Variants in ROBO1 observed in about 807,000 individuals in gnomAD.
ROBO1 encodes roundabout homolog 1.
In ROBO1, 149 loss-of-function variants were observed where a neutral mutation model predicts 195.9. That is an observed-to-expected ratio of 0.76 (90% CI 0.67 to 0.87). The LOEUF (loss-of-function observed/expected upper bound fraction) is 0.87, where lower values mean the gene tolerates loss of function less well. Among genes scored for constraint, ROBO1 ranks in the 40% least tolerant of loss-of-function variants. The probability of loss-of-function intolerance (pLI) is 0.00; values close to 1 mark genes in which losing one functional copy is unlikely to be tolerated. For synonymous variants in ROBO1, 816 were observed against 733.2 expected (o/e 1.11, Z -1.82); for missense variants, 1,933 against 2,068.3 (o/e 0.93, Z 1.27).
chr3:79,312,339 C>T (rs62259733), intron 2 of ROBO1, among the ~76,000 whole-genome samples: 4 of 152,108 alleles, frequency 2.6e-5, no homozygotes, highest in African/African-American at 9.7e-5. Context: ...GTTTTACTTA[C>T]TTCAAAGAAA....
intron 1 of ROBO1, among the ~76,000 whole-genome samples, chr3:79,608,630 T>C (rs543883393): frequency 6.6e-6 from 1 of 152,000 alleles, no homozygotes; most frequent in East Asian, 1.9e-4. Context: ...CCTATAAAAC[T>C]AACCAGATTT....
At chr3:79,006,757 GAAA>G (rs11345487) in intron 3 of ROBO1, among the ~76,000 whole-genome samples, 29 of 115,232 alleles carry the variant, frequency 2.5e-4, no homozygotes, top group African/African-American at 7.3e-4. Context: ...CAAAATATCG[GAAA>G]AAAAAAAAAA....
chr3:79,107,608 A>G (rs891383744), intron 3 of ROBO1, among the ~76,000 whole-genome samples: 3 of 151,674 alleles, frequency 2.0e-5, no homozygotes, highest in Non-Finnish European at 4.4e-5. Context: ...CTTGCATATT[A>G]AAATGTTGGG....
At chr3:79,073,797 CAG>C (rs2079127150) in intron 3 of ROBO1, among the ~76,000 whole-genome samples, 1 of 151,354 alleles carries the variant, frequency 6.6e-6, no homozygotes, top group South Asian at 2.1e-4. Flanking sequence ...CGGAAAATGG[CAG>C]AGATACAGTG....
intron 2 of ROBO1, among the ~76,000 whole-genome samples, chr3:79,431,772 C>G (rs2038688703): frequency 6.6e-6 from 1 of 152,058 alleles, no homozygotes; most frequent in African/African-American, 2.4e-5. Flanking sequence ...AACACTCAGA[C>G]AAGAAAAATA....
intron 3 of ROBO1, among the ~76,000 whole-genome samples, chr3:79,044,476 T>C (rs1227644474): frequency 6.6e-6 from 1 of 152,170 alleles, no homozygotes; most frequent in Non-Finnish European, 1.5e-5. Context: ...CTAGAAGATA[T>C]AAAAGTATAA....
At chr3:79,705,008 T>C (rs781246921) in intron 1 of ROBO1, among the ~76,000 whole-genome samples, 24 of 151,998 alleles carry the variant, frequency 1.6e-4, no homozygotes, top group Non-Finnish European at 3.2e-4. Context: ...TGTTGAGGTC[T>C]TTGTCCCATT....
At chr3:79,727,280 T>G (rs1702962425) in intron 1 of ROBO1, among the ~76,000 whole-genome samples, 1 of 136,206 alleles carries the variant, frequency 7.3e-6, no homozygotes, top group Non-Finnish European at 1.7e-5. Flanking sequence ...GTCAGACATA[T>G]TTTTACTTTA....
Position 79,349,235 on chromosome 3 carries a change from A to ATGC in ROBO1, c.89-223699_89-223697dup, listed in dbSNP as rs1417691210. Reference sequence around the variant, plus strand: ...GCCTATGAGGATCAACTTGAAGTAAATGCTTCCTTAGGCTTGTGATGGCAT... The same window carrying ATGC: ...GCCTATGAGGATCAACTTGAAGTAAATGCTGCTTCCTTAGGCTTGTGATGGCAT... On this transcript the variant is annotated intron_variant, in intron 2 of 30. Transcript: ENST00000464233. Among the ~76,000 whole-genome samples the ATGC allele has an allele frequency of 5.9e-5, 9 of 152,304 alleles. No homozygotes were observed. In the East Asian group the frequency reaches 1.7e-3, roughly 29 times the overall value.
chr3:79,528,741 GTTAAAAGTAAGCAGT>G (rs1462835312), intron 2 of ROBO1, among the ~76,000 whole-genome samples: 1 of 152,136 alleles, frequency 6.6e-6, no homozygotes, highest in Non-Finnish European at 1.5e-5. Context: ...TTTAAAACCT[GTTAAAAGTAAGCAGT>G]TTCACATGGT....
chr3:79,589,108 T>C (rs562011834), intron 2 of ROBO1, among the ~76,000 whole-genome samples: 2 of 151,850 alleles, frequency 1.3e-5, no homozygotes, highest in African/African-American at 4.8e-5. Context: ...ATATTAGTTG[T>C]ATTCAAATTA....
At chr3:79,766,743 T>TG (rs1705019753) in intron 1 of ROBO1, among the ~76,000 whole-genome samples, 2 of 152,072 alleles carry the variant, frequency 1.3e-5, no homozygotes. Flanking sequence ...CGAAGGCTCA[T>TG]GGAAGCGGGG....
chr3:79,730,505 A>G (rs1161451152), intron 1 of ROBO1, among the ~76,000 whole-genome samples: 1 of 152,164 alleles, frequency 6.6e-6, no homozygotes, highest in Non-Finnish European at 1.5e-5. Context: ...CTACAAAGCA[A>G]GTTTCATCCC....
chr3:78,861,437 A>C (rs2034829838), intron 4 of ROBO1, among the ~76,000 whole-genome samples: 1 of 152,144 alleles, frequency 6.6e-6, no homozygotes, highest in Non-Finnish European at 1.5e-5. Context: ...ACTAGACTTT[A>C]ATTTTCTAGG....
intron 2 of ROBO1, among the ~76,000 whole-genome samples, chr3:79,352,356 A>G (rs1230384381): frequency 6.6e-6 from 1 of 152,208 alleles, no homozygotes; most frequent in African/African-American, 2.4e-5. Flanking sequence ...AGGACTCACA[A>G]GAGGTTACAG....
chr3:78,954,399 T>G (rs2040938147), intron 3 of ROBO1, among the ~76,000 whole-genome samples: 3 of 152,054 alleles, frequency 2.0e-5, no homozygotes, highest in Admixed American at 1.3e-4. Flanking sequence ...AAAAATACTA[T>G]GGGTAGCCAG....
At chr3:79,395,802 T>TA (rs1439264442) in intron 2 of ROBO1, among the ~76,000 whole-genome samples, 1 of 152,086 alleles carries the variant, frequency 6.6e-6, no homozygotes, top group Non-Finnish European at 1.5e-5. Context: ...ATCTTAGTGT[T>TA]ACGTTCTAAT....
intron 2 of ROBO1, among the ~76,000 whole-genome samples, chr3:79,469,713 A>C (rs1938160528): frequency 6.6e-6 from 1 of 152,234 alleles, no homozygotes; most frequent in African/African-American, 2.4e-5. Flanking sequence ...ACACTAAGAT[A>C]GTTAACACCT....
At chr3:79,469,381 G>C (rs1001816914) in intron 2 of ROBO1, among the ~76,000 whole-genome samples, 3 of 152,166 alleles carry the variant, frequency 2.0e-5, no homozygotes, top group African/African-American at 7.2e-5. Flanking sequence ...CACGATGGTG[G>C]TGGAACTATA....
Sources: gnomAD v4.1 joint callset for allele counts (sites outside exome capture counted in the v4.1 genomes callset) on GRCh38, gnomAD v4.1.1 for gene constraint, MANE v1.5 for transcripts, NCBI Gene and HGNC (gene_info 2026-07-23, HGNC 2026-07-21) for gene names.